Variants in SLC27A1 observed in about 807,000 individuals in gnomAD.
The protein encoded by SLC27A1 is solute carrier family 27 member 1, also known as long-chain fatty acid transport protein 1.
A neutral mutation model predicts 62.2 loss-of-function variants in SLC27A1; 61 were observed. The ratio of observed to expected loss-of-function variants is 0.98; its 90% CI spans 0.80 to 1.21. The LOEUF (loss-of-function observed/expected upper bound fraction) is 1.21. Ranked by LOEUF, SLC27A1 falls within the 50% of genes most tolerant of loss-of-function variation. The pLI is 0.00. For missense variants in SLC27A1, 903 were observed against 932.1 expected, an observed-to-expected ratio of 0.97 and a Z score of 0.41; for synonymous variants, 435 against 408.6, an observed-to-expected ratio of 1.06 and a Z score of -0.78.
intron 4 of SLC27A1, chr19:17,488,617 C>T: frequency 1.7e-6 from 1 of 594,366 alleles, no homozygotes. Flanking sequence ...CCCCCAACCC[C>T]CCTGGCTGCA....
chr19:17,504,549 C>G lies in SLC27A1; in HGVS notation c.1878C>G (p.Gly626=), dbSNP rs768930856. The G allele has an allele frequency of 1.2e-6, 2 of 1,614,216 alleles. No homozygotes were observed. Among genetic ancestry groups the G allele is most frequent in the South Asian group, 2.2e-5 (2 of 91,086 alleles). Residue 626 remains glycine, a synonymous_variant, in exon 12 of 12, where the codon GGC becomes GGG. Coordinates refer to ENST00000252595, the MANE Select transcript of SLC27A1 (RefSeq NM_198580.3). ...DRLFFLDLKQ[G]HYLPLNEAVY... ...TCTTCTTCCTGGACCTGAAGCAGGGCCACTACCTGCCCTTAAATGAGGCAG... is the reference window on the plus strand; with the variant it reads ...TCTTCTTCCTGGACCTGAAGCAGGGGCACTACCTGCCCTTAAATGAGGCAG...
Position 17,470,584 on chromosome 19 carries a change from C to T in SLC27A1, c.44C>T (p.Ala15Val), listed in dbSNP as rs1038360864. ...GGCGCGGCCTCGGTGGTCTCGCTGG[C>T]GCTGTTGTGGCTGCTGGGGCTGCCG... ...GAGAASVVSL[A>V]LLWLLGLPWT... is the part of the protein sequence containing the mutation. Residue 15 changes from alanine (A) to valine (V), a missense_variant, in exon 1 of 12, where the codon GCG becomes GTG. By Grantham distance (64) the Ala-to-Val change is moderately conservative. Coordinates refer to ENST00000252595, the MANE Select transcript of SLC27A1 (RefSeq NM_198580.3). 2.4e-5 allele frequency: 37 copies of T among 1,573,690 alleles called. No individual in the cohort carries two copies. The highest frequency in any genetic ancestry group is 3.1e-5 in the Non-Finnish European group (36 of 1,167,996).
intron 6 of SLC27A1, among the ~76,000 whole-genome samples, chr19:17,495,175 A>G (rs1324320124): frequency 2.6e-5 from 4 of 151,398 alleles, no homozygotes; most frequent in African/African-American, 7.3e-5. Flanking sequence ...AGGTATTACT[A>G]CATTGGCTAG....
At chr19:17,472,529 A>ATTTG (rs751662571) in intron 1 of SLC27A1, among the ~76,000 whole-genome samples, 5 of 151,448 alleles carry the variant, frequency 3.3e-5, no homozygotes, top group Non-Finnish European at 7.4e-5. Context: ...TCTATTGCTC[A>ATTTG]TTTGTTTGTT....
chr19:17,502,335 G>GTTTTTTTGT (rs2075424114), intron 11 of SLC27A1, among the ~76,000 whole-genome samples: 1 of 75,902 alleles, frequency 1.3e-5, no homozygotes, highest in Non-Finnish European at 2.5e-5. Context: ...CTGAAATAGT[G>GTTTTTTTGT]TTTTTTTTGT....
At chr19:17,498,454 G>C (rs963784137) in intron 7 of SLC27A1, 1 of 156,618 alleles carries the variant, frequency 6.4e-6, no homozygotes, top group African/African-American at 2.4e-5. Flanking sequence ...AGTGTGCTTG[G>C]TGTTGGATGG....
intron 1 of SLC27A1, among the ~76,000 whole-genome samples, chr19:17,471,448 T>C (rs1448580458): frequency 6.6e-6 from 1 of 151,950 alleles, no homozygotes; most frequent in African/African-American, 2.4e-5. Context: ...GGGCAGATTC[T>C]GGTGTCCTGT....
chr19:17,495,292 T>TC (rs2075337740), intron 6 of SLC27A1: 1 of 144,492 alleles, frequency 6.9e-6, no homozygotes, highest in African/African-American at 2.6e-5. Flanking sequence ...CATTTTTTTT[T>TC]TTTTTTTGAG....
rs1010005019 is a variant in SLC27A1, at chr19:17,486,646, C to T, written c.251C>T (p.Ala84Val). Residue 84 changes from alanine to valine, a missense_variant, in exon 2 of 12, where the codon GCG (alanine) becomes GTG (valine). Transcript: ENST00000252595. The surrounding 1 kb of genome is among the most constrained non-coding windows in gnomAD (Gnocchi z 6.6). ...CACACCATCCCGCGCATCTTTCAGG[C>T]GGTAGTGCAGCGACAGCCCGAGCGC... is the stretch of plus-strand genomic sequence containing the variant. ...AGHTIPRIFQAVVQRQPERLA... is the reference protein window; with the variant it reads ...AGHTIPRIFQVVVQRQPERLA... The T allele has an allele frequency of 1.1e-5, 18 of 1,605,408 alleles. No homozygotes were observed. In the African/African-American group the frequency reaches 1.2e-4, roughly 11 times the overall value.
chr19:17,504,456 C>G lies in SLC27A1; in HGVS notation c.1785C>G (p.Gly595=). 6.2e-7 allele frequency: 1 copy of G among 1,614,166 alleles called. No homozygotes were observed. The highest frequency in any genetic ancestry group is 8.5e-7 in the Non-Finnish European group (1 of 1,180,040). Residue 595 remains glycine, a splice_region_variant and synonymous_variant, in exon 12 of 12, where the codon GGC becomes GGG. Transcript: ENST00000252595. ...LRLLPQVDTT[G]TFKIQKTRLQ... is the part of the protein sequence containing the mutation. ...ATCTGCCCCCCATCCCCACTATAGG[C>G]ACCTTCAAGATCCAGAAGACGAGGC...
chr19:17,486,433 CAA>C lies in SLC27A1; in HGVS notation c.168-127_168-126del. 2.6e-6 allele frequency: 3 copies of C among 1,143,638 alleles called. No homozygotes were observed. The highest frequency in any genetic ancestry group is 3.6e-6 in the Non-Finnish European group (3 of 835,708). The allele number at this position is 1,143,638 out of a possible 1,614,324, so 70.8% of individuals were successfully genotyped here. The stretch of plus-strand genomic sequence containing the variant: ...TTGGTCCACTGAGAGATCCAGCCAC[CAA>C]AAGTTTCACCATAGACCTCATCAAA... On this transcript the variant is annotated intron_variant, in intron 1 of 11. Coordinates refer to ENST00000252595, the MANE Select transcript of SLC27A1 (RefSeq NM_198580.3). The surrounding 1 kb of genome is among the most constrained non-coding windows in gnomAD (Gnocchi z 6.6).
chr19:17,471,241 A>G (rs187542337), intron 1 of SLC27A1, among the ~76,000 whole-genome samples: 8 of 152,166 alleles, frequency 5.3e-5, no homozygotes, highest in African/African-American at 1.9e-4. Context: ...GAGCTGCTCT[A>G]TAAAGGACTT....
At chr19:17,499,786 C>G (rs940871742) in intron 7 of SLC27A1, 10 of 154,710 alleles carry the variant, frequency 6.5e-5, no homozygotes, top group African/African-American at 2.4e-4. Flanking sequence ...GCATTCCAGC[C>G]TAGGCGACAG....
intron 1 of SLC27A1, among the ~76,000 whole-genome samples, chr19:17,474,064 T>G (rs1457352851): frequency 2.0e-5 from 3 of 152,052 alleles, no homozygotes; most frequent in Non-Finnish European, 2.9e-5. Flanking sequence ...CATCACAGCC[T>G]CCCAAGTAGC....
intron 1 of SLC27A1, among the ~76,000 whole-genome samples, chr19:17,473,967 A>C (rs1486130686): frequency 6.6e-6 from 1 of 151,970 alleles, no homozygotes; most frequent in Non-Finnish European, 1.5e-5. Context: ...TTTTTTGATA[A>C]AGTCTCACTC....
intron 1 of SLC27A1, among the ~76,000 whole-genome samples, chr19:17,476,894 T>G (rs951438634): frequency 6.7e-6 from 1 of 149,842 alleles, no homozygotes; most frequent in African/African-American, 2.4e-5. Context: ...TTTTTTTTTT[T>G]TTTTTTTTTT....
intron 6 of SLC27A1, chr19:17,492,416 A>C (rs2075302524): frequency 1.3e-5 from 2 of 152,150 alleles, no homozygotes; most frequent in South Asian, 4.1e-4. Flanking sequence ...TTCTGTGTCA[A>C]ATAAGGCACA....
intron 1 of SLC27A1, among the ~76,000 whole-genome samples, 186 bp downstream of exon 1, chr19:17,470,893 G>T (rs1213053639): frequency 6.6e-6 from 1 of 150,672 alleles, no homozygotes; most frequent in Non-Finnish European, 1.5e-5. Context: ...CCAGTTGGGG[G>T]TCTCTGAGGG....
intron 6 of SLC27A1, among the ~76,000 whole-genome samples, chr19:17,489,345 T>C (rs1456626416): frequency 6.6e-6 from 1 of 151,910 alleles, no homozygotes; most frequent in Non-Finnish European, 1.5e-5. Flanking sequence ...CGCAACCTGC[T>C]CCCCCGTCTC....
Sources: allele counts gnomAD v4.1 joint callset (sites outside exome capture counted in the v4.1 genomes callset), GRCh38; gene constraint gnomAD v4.1.1; non-coding constraint Gnocchi (gnomAD v3.1); transcripts MANE v1.5; gene names NCBI Gene and HGNC (gene_info 2026-07-23, HGNC 2026-07-21).